TUSC3: variants seen among roughly 807,000 people sequenced by gnomAD.
The protein encoded by TUSC3 is dolichyl-diphosphooligosaccharide--protein glycosyltransferase subunit TUSC3.
A neutral mutation model predicts 44.8 loss-of-function variants in TUSC3; 45 were observed. That is an observed-to-expected ratio of 1.00 (90% CI 0.79 to 1.29). The LOEUF (loss-of-function observed/expected upper bound fraction) is 1.29, where lower values mean the gene tolerates loss of function less well. TUSC3 is among the 50% of genes most tolerant of loss of function. TUSC3 has a pLI of 0.00. For missense variants in TUSC3, 519 were observed against 437.9 expected (o/e 1.19, Z -1.65); for synonymous variants, 212 against 152.9 (o/e 1.39, Z -2.85).
At chr8:15,618,197 T>C (rs1374710983) in intron 1 of TUSC3, among the ~76,000 whole-genome samples, 1 of 152,210 alleles carries the variant, frequency 6.6e-6, no homozygotes, top group African/African-American at 2.4e-5. Context: ...TACTGTACAC[T>C]ACTGTAGACT....
chr8:15,601,122 C>A (rs947557928), intron 1 of TUSC3, among the ~76,000 whole-genome samples: 1 of 151,628 alleles, frequency 6.6e-6, no homozygotes, highest in Non-Finnish European at 1.5e-5. Context: ...CCATAGGTAG[C>A]AAGCTTAAGG....
intron 1 of TUSC3, among the ~76,000 whole-genome samples, chr8:15,595,174 G>T (rs536833713): frequency 1.3e-5 from 2 of 152,262 alleles, no homozygotes; most frequent in East Asian, 1.9e-4. Context: ...AGGCCGTTTG[G>T]AGAACTGTCC....
At chr8:15,843,625 C>CA in the TUSC3 span, among the ~76,000 whole-genome samples, 2 of 139,000 alleles carry the variant, frequency 1.4e-5, no homozygotes, top group Non-Finnish European at 3.0e-5. Context: ...TATATATACA[C>CA]GCACATACAC....
chr8:15,547,986 T>C (rs1440550051), intron 1 of TUSC3, among the ~76,000 whole-genome samples: 1 of 151,764 alleles, frequency 6.6e-6, no homozygotes, highest in African/African-American at 2.4e-5. Context: ...ATTTTATTTT[T>C]TATTTATTTT....
At chr8:15,711,947 A>T (rs1369710929) in intron 6 of TUSC3, among the ~76,000 whole-genome samples, 1 of 151,930 alleles carries the variant, frequency 6.6e-6, no homozygotes, top group African/African-American at 2.4e-5. Context: ...CCAAGACACA[A>T]ACTTTATGAA....
In TUSC3 at chr8:15,564,782, C is replaced by T. The variant is rs7357388; in HGVS notation, c.138+24214C>T. On this transcript the variant is annotated intron_variant, in intron 1 of 10. Coordinates refer to ENST00000503731, the MANE Select transcript of TUSC3 (RefSeq NM_006765.4). ...TGCAGCTTGACCCATCAAGATTTCC[C>T]CACGCTTGTGCTGGAGTGTCCACTC... Among the ~76,000 whole-genome samples the T allele has an allele frequency of 7.8e-3, 1,192 of 152,116 alleles. 20 individuals are homozygous for T. Among genetic ancestry groups the T allele is most frequent in the African/African-American group, 0.027 (1,104 of 41,502 alleles).
chr8:15,775,384 T>C, the TUSC3 span, among the ~76,000 whole-genome samples: 1 of 152,036 alleles, frequency 6.6e-6, no homozygotes, highest in African/African-American at 2.4e-5. Context: ...GTGATGATGA[T>C]TGCATAATAT....
chr8:15,576,479 A>C (rs1436421910), intron 1 of TUSC3, among the ~76,000 whole-genome samples: 3 of 93,122 alleles, frequency 3.2e-5, no homozygotes, highest in African/African-American at 1.3e-4. Context: ...ACCCCACCAC[A>C]GTCCCCAGAG....
At chr8:15,583,428 A>C (rs1172315361) in intron 1 of TUSC3, among the ~76,000 whole-genome samples, 1 of 152,228 alleles carries the variant, frequency 6.6e-6, no homozygotes, top group Non-Finnish European at 1.5e-5. Flanking sequence ...CATGAGGATT[A>C]CTGGAAGTAA....
intron 7 of TUSC3, among the ~76,000 whole-genome samples, chr8:15,738,358 G>A (rs1811024538): frequency 6.6e-6 from 1 of 152,214 alleles, no homozygotes; most frequent in East Asian, 1.9e-4. Flanking sequence ...AGACATAATG[G>A]TATACAGTTT....
intron 2 of TUSC3, among the ~76,000 whole-genome samples, chr8:15,492,865 T>TTA (rs1418571745): frequency 6.6e-6 from 1 of 151,998 alleles, no homozygotes; most frequent in African/African-American, 2.4e-5. Context: ...ATGCAAAATA[T>TTA]TATAATTAGG....
At chr8:15,538,652 C>T (rs964237038), upstream of TUSC3, among the ~76,000 whole-genome samples, 9 of 152,046 alleles carry the variant, frequency 5.9e-5, no homozygotes, top group Non-Finnish European at 1.2e-4. Flanking sequence ...TTGAAAAAAT[C>T]GTAACTTTAT....
intron 6 of TUSC3, among the ~76,000 whole-genome samples, chr8:15,682,174 A>C (rs1289050193): frequency 6.6e-6 from 1 of 152,124 alleles, no homozygotes; most frequent in Non-Finnish European, 1.5e-5. Context: ...GATGTCAGTT[A>C]GGTCCATTGC....
chr8:15,594,980 T>A (rs964267240), intron 1 of TUSC3, among the ~76,000 whole-genome samples: 1 of 151,978 alleles, frequency 6.6e-6, no homozygotes, highest in Non-Finnish European at 1.5e-5. Flanking sequence ...CTACCCTAGG[T>A]TTTATACTTC....
At chr8:15,615,769 A>G (rs895405823) in intron 1 of TUSC3, among the ~76,000 whole-genome samples, 11 of 152,346 alleles carry the variant, frequency 7.2e-5, no homozygotes, top group African/African-American at 2.6e-4. Flanking sequence ...TGAAAAGGAA[A>G]AAAGAAAATA....
intron 1 of TUSC3, among the ~76,000 whole-genome samples, chr8:15,609,553 G>A (rs1804672311): frequency 6.6e-6 from 1 of 152,068 alleles, no homozygotes; most frequent in Non-Finnish European, 1.5e-5. Flanking sequence ...AATGGTGACA[G>A]AAGCTAATGC....
Position 15,630,800 on chromosome 8 carries a change from A to G in TUSC3, c.308+7551A>G, listed in dbSNP as rs573657724. 2.6e-5 allele frequency among the ~76,000 whole-genome samples: 4 copies of G among 152,234 alleles called. No homozygotes were observed. In the South Asian group the frequency reaches 8.3e-4, roughly 32 times the overall value. On this transcript the variant is annotated intron_variant, in intron 2 of 10. Coordinates refer to ENST00000503731, the MANE Select transcript of TUSC3 (RefSeq NM_006765.4). ...TTCAGGAATGTGTCTCATAATGGGG[A>G]CTGGTGAATTGAATACAGCTGGCTA... is the stretch of plus-strand genomic sequence containing the variant.
chr8:15,508,212 C>T (rs1399344790), intron 2 of TUSC3, among the ~76,000 whole-genome samples: 1 of 152,050 alleles, frequency 6.6e-6, no homozygotes, highest in African/African-American at 2.4e-5. Context: ...TGCATTCTGG[C>T]CTGGGTGATA....
chr8:15,610,526 T>C (rs939379709), intron 1 of TUSC3, among the ~76,000 whole-genome samples: 5 of 152,210 alleles, frequency 3.3e-5, no homozygotes, highest in African/African-American at 1.2e-4. Flanking sequence ...TAATTTAACA[T>C]CTGGCAACAG....
Sources: gnomAD v4.1 joint callset for allele counts (sites outside exome capture counted in the v4.1 genomes callset) on GRCh38, gnomAD v4.1.1 for gene constraint, MANE v1.5 for transcripts, NCBI Gene and HGNC (gene_info 2026-07-23, HGNC 2026-07-21) for gene names.